The following SYCE2 variants were observed in gnomAD, a reference collection of about 807,000 sequenced individuals.
SYCE2 encodes synaptonemal complex central element protein 2.
Under a neutral mutation model 27.9 loss-of-function variants are expected in SYCE2, and 3 were observed. The ratio of observed to expected loss-of-function variants is 0.11; its 90% CI spans 0.05 to 0.28. The LOEUF is 0.28. Among genes scored for constraint, SYCE2 ranks in the 10% least tolerant of loss-of-function variants. The pLI, the probability that SYCE2 is intolerant of heterozygous loss-of-function variation, is 1.00. For missense variants in SYCE2, 207 were observed against 263.5 expected (o/e 0.79, Z 1.48); for synonymous variants, 85 against 100.7 (o/e 0.84, Z 0.93).
At chr19:12,899,899 C>G (rs1568431641) in intron 5 of SYCE2, 105 bp downstream of exon 5, 3 of 1,565,582 alleles carry the variant, frequency 1.9e-6, no homozygotes, top group South Asian at 2.2e-5. Flanking sequence ...TCCCTCCCAT[C>G]TGGGGGTAGT....
intron 5 of SYCE2, 155 bp from the exon 6 acceptor site, chr19:12,899,540 G>A: frequency 6.2e-7 from 1 of 1,614,162 alleles, no homozygotes; most frequent in Non-Finnish European, 8.5e-7. Context: ...GCCAGCAAGT[G>A]AGCCGCTCCA....
chr19:12,904,767 G>C, intron 2 of SYCE2, 101 bp from the exon 3 acceptor site: 1 of 1,321,596 alleles, frequency 7.6e-7, no homozygotes. Flanking sequence ...TTTGTAGGCC[G>C]AGGTGGGCGG....
In SYCE2 at chr19:12,900,013, A is replaced by G; in HGVS notation, c.603T>C (p.Thr201=). Residue 201 remains threonine (T), a synonymous_variant, in exon 5 of 6, where the codon ACT becomes ACC. Transcript: ENST00000293695. ...GTTTACTGGTAACCACCTGAGAAGT[A>G]GTTTCAGCCACAGAAGAAACGAACA... ...PDVFVSSVAE[T]TSQATASEVQ... 6.2e-7 allele frequency: 1 copy of G among 1,613,376 alleles called. No homozygotes were observed. Among genetic ancestry groups the G allele is most frequent in the South Asian group, 1.1e-5 (1 of 91,038 alleles).
Position 12,919,280 on chromosome 19 carries a change from C to A in SYCE2, c.-23G>T. 2.5e-6 allele frequency: 4 copies of A among 1,609,276 alleles called. No homozygotes were observed. Among genetic ancestry groups the A allele is most frequent in the Non-Finnish European group, 2.5e-6 (3 of 1,179,972 alleles). On this transcript the variant is annotated 5_prime_UTR_variant, in exon 1 of 6. Coordinates refer to ENST00000293695, the MANE Select transcript of SYCE2 (RefSeq NM_001105578.2). The stretch of plus-strand genomic sequence containing the variant: ...CATTCCGTATTTTCCCGCCTTCAAG[C>A]TCGCACCCTCTGCGCATGCGCCGAC...
At chr19:12,906,892 AAAAT>A (rs1328035666) in intron 2 of SYCE2, among the ~76,000 whole-genome samples, 1 of 152,232 alleles carries the variant, frequency 6.6e-6, no homozygotes, top group African/African-American at 2.4e-5. Context: ...CTTCGTCTCA[AAAAT>A]AAATAAATTA....
chr19:12,900,018 C>T lies in SYCE2; in HGVS notation c.598G>A (p.Glu200Lys), dbSNP rs1970802128. 1 of 1,613,476 alleles carries T rather than the reference C, an allele frequency of 6.2e-7. No homozygotes were observed. Among genetic ancestry groups the T allele is most frequent in the African/African-American group, 1.3e-5 (1 of 75,022 alleles). ...PPDVFVSSVA[E>K]TTSQATASEV... ...CTGGTAACCACCTGAGAAGTAGTTTCAGCCACAGAAGAAACGAACACGTCT... is the reference window on the plus strand; with the variant it reads ...CTGGTAACCACCTGAGAAGTAGTTTTAGCCACAGAAGAAACGAACACGTCT... The change falls in exon 5 of 6, where the codon GAA becomes AAA. Residue 200 changes from glutamate to lysine, a missense_variant. Transcript: ENST00000293695.
In SYCE2 at chr19:12,899,390, G is replaced by T. The variant is rs777295436; in HGVS notation, c.613-5C>A. ...CTGTACTTCTGAAGCAGTGGCCTGGGGATACATGAAAATTGATTTTAAAGG... is the reference window on the plus strand; with the variant it reads ...CTGTACTTCTGAAGCAGTGGCCTGGTGATACATGAAAATTGATTTTAAAGG... On this transcript the variant is annotated splice_polypyrimidine_tract_variant and splice_region_variant and intron_variant, in intron 5 of 5. Transcript: ENST00000293695. 2 of 1,613,976 alleles carry T rather than the reference G, an allele frequency of 1.2e-6. No individual in the cohort carries two copies. The highest frequency in any genetic ancestry group is 2.7e-5 in the African/African-American group (2 of 74,888).
At chr19:12,901,419 A>G (rs1363940632) in intron 3 of SYCE2, among the ~76,000 whole-genome samples, 1 of 151,112 alleles carries the variant, frequency 6.6e-6, no homozygotes, top group Non-Finnish European at 1.5e-5. Context: ...GCGCACTTGC[A>G]GTCCCAGCTA....
intron 2 of SYCE2, among the ~76,000 whole-genome samples, 170 bp downstream of exon 2, chr19:12,918,052 G>A (rs1468579755): frequency 6.6e-6 from 1 of 152,126 alleles, no homozygotes; most frequent in East Asian, 1.9e-4. Context: ...AGTCTGGGAG[G>A]TGGAGGTTGC....
rs777948828 is a variant in SYCE2, at chr19:12,918,182, AG to A, written c.131+39del. ...AGAAAAGGGTGAATGAGAGGGACCC[AG>A]GGGCCTGTGTAGACCCATAGGGCTG... On this transcript the variant is annotated intron_variant, in intron 2 of 5. Transcript: ENST00000293695. 9 of 1,544,964 alleles carry A rather than the reference AG, an allele frequency of 5.8e-6. No homozygotes were observed. The East Asian group carries it at 1.8e-4, about 31-fold the overall frequency.
At chr19:12,899,901 G>C (rs1324968000) in intron 5 of SYCE2, 103 bp downstream of exon 5, 3 of 1,601,074 alleles carry the variant, frequency 1.9e-6, no homozygotes, top group Non-Finnish European at 2.6e-6. Flanking sequence ...CCTCCCATCT[G>C]GGGGTAGTGC....
At chr19:12,918,138 A>C in intron 2 of SYCE2, 84 bp downstream of exon 2, 1 of 1,183,708 alleles carries the variant, frequency 8.4e-7, no homozygotes, top group Admixed American at 1.9e-5. Context: ...AGCAGCAGAC[A>C]CTGGCATAGC....
At chr19:12,910,773 G>A (rs1383101211) in intron 2 of SYCE2, among the ~76,000 whole-genome samples, 1 of 151,624 alleles carries the variant, frequency 6.6e-6, no homozygotes, top group Non-Finnish European at 1.5e-5. Flanking sequence ...TGCCTCCCGG[G>A]TTCATGCCAT....
intron 2 of SYCE2, among the ~76,000 whole-genome samples, chr19:12,911,895 G>A (rs1199998412): frequency 1.3e-5 from 2 of 151,572 alleles, no homozygotes; most frequent in Non-Finnish European, 2.9e-5. Flanking sequence ...TGGGATTACA[G>A]GCGTGAGCCA....
intron 3 of SYCE2, among the ~76,000 whole-genome samples, chr19:12,903,241 G>C (rs1214658024): frequency 6.9e-6 from 1 of 145,978 alleles, no homozygotes; most frequent in East Asian, 2.1e-4. Flanking sequence ...ACAGGCGCCC[G>C]CCACCACGCC....
At chr19:12,899,905 G>C in intron 5 of SYCE2, 99 bp downstream of exon 5, 1 of 1,606,652 alleles carries the variant, frequency 6.2e-7, no homozygotes, top group Non-Finnish European at 8.5e-7. Flanking sequence ...CCATCTGGGG[G>C]TAGTGCCTTA....
rs1207745194 is a variant in SYCE2 at position 12,919,160 on chromosome 19, G to A, written c.15+83C>T. ...AGGACAAGCGGCCGGGCTCGGGTCC[G>A]CTGGAGATGGCTGGGATCGCAGCCG... On this transcript the variant is annotated intron_variant, in intron 1 of 5. Coordinates refer to ENST00000293695, the MANE Select transcript of SYCE2 (RefSeq NM_001105578.2). 26 of 1,575,798 alleles carry A rather than the reference G, an allele frequency of 1.6e-5. No individual in the cohort carries two copies. In the Admixed American group the frequency reaches 2.0e-4, roughly 12 times the overall value.
intron 2 of SYCE2, among the ~76,000 whole-genome samples, chr19:12,917,916 C>T (rs1181792140): frequency 6.6e-6 from 1 of 152,048 alleles, no homozygotes; most frequent in East Asian, 1.9e-4. Flanking sequence ...GCCTTGGCCT[C>T]CCAAAGTGTT....
At chr19:12,912,767 A>G (rs1971069823) in intron 2 of SYCE2, among the ~76,000 whole-genome samples, 1 of 152,014 alleles carries the variant, frequency 6.6e-6, no homozygotes, top group Admixed American at 6.6e-5. Context: ...CATGGCAGCT[A>G]AGCAAACAGT....
Sources: gnomAD v4.1 joint callset for allele counts (sites outside exome capture counted in the v4.1 genomes callset) on GRCh38, gnomAD v4.1.1 for gene constraint, MANE v1.5 for transcripts, NCBI Gene and HGNC (gene_info 2026-07-23, HGNC 2026-07-21) for gene names.